Variants in DLGAP3 observed in about 807,000 individuals in gnomAD.
The protein encoded by DLGAP3 is DLG associated protein 3.
DLGAP3 carries 17 observed loss-of-function variants against 81.2 expected under a neutral mutation model. The ratio of observed to expected loss-of-function variants is 0.21; its 90% CI spans 0.14 to 0.31. The LOEUF (loss-of-function observed/expected upper bound fraction) is 0.31, where lower values mean the gene tolerates loss of function less well. DLGAP3 is among the 10% of genes least tolerant of loss of function. The pLI is 1.00. For missense variants in DLGAP3, 1,124 were observed against 1,388.0 expected (o/e 0.81, Z 3.02); for synonymous variants, 577 against 587.4 (o/e 0.98, Z 0.26).
Position 34,868,563 on chromosome 1 carries a change from C to T in DLGAP3, c.2485+42G>A. 1 of 1,557,322 alleles carries T rather than the reference C, an allele frequency of 6.4e-7. No individual in the cohort carries two copies. On this transcript the variant is annotated intron_variant, in intron 9 of 11. Coordinates refer to ENST00000373347, the MANE Select transcript of DLGAP3 (RefSeq NM_001080418.3). The surrounding 1 kb of genome is among the most constrained non-coding windows in gnomAD (Gnocchi z 7.5). ...CAGGGTCTCCTGAGCACACACGAGG[C>T]CATGGTCCCCAGAGTCCCCTTGTTC...
chr1:34,908,695 T>C (rs1164078950), intron 1 of DLGAP3, among the ~76,000 whole-genome samples: 2 of 152,112 alleles, frequency 1.3e-5, no homozygotes, highest in African/African-American at 4.8e-5. Context: ...CCCTGAAGGA[T>C]GTGAGACAAT....
intron 1 of DLGAP3, among the ~76,000 whole-genome samples, chr1:34,917,206 C>T (rs1403991345): frequency 6.6e-6 from 1 of 152,184 alleles, no homozygotes; most frequent in African/African-American, 2.4e-5. Flanking sequence ...CACAGCCACG[C>T]AGTCATCCAT....
chr1:34,885,860 C>T (rs1164425602), intron 6 of DLGAP3, 69 bp from the exon 7 acceptor site: 1 of 1,292,496 alleles, frequency 7.7e-7, no homozygotes, highest in Non-Finnish European at 1.0e-6. Context: ...GGGCCCGCGC[C>T]CGACTCCCAC....
In DLGAP3 at chr1:34,895,621, A is replaced by C. The variant is rs1639369713; in HGVS notation, c.1386+4048T>G. Among the ~76,000 whole-genome samples the C allele has an allele frequency of 6.6e-6, 1 of 152,116 alleles. No individual in the cohort carries two copies. The highest frequency in any genetic ancestry group is 1.5e-5 in the Non-Finnish European group (1 of 68,030). On this transcript the variant is annotated intron_variant, in intron 5 of 11. Coordinates refer to ENST00000373347, the MANE Select transcript of DLGAP3 (RefSeq NM_001080418.3). The surrounding 1 kb of genome is among the most constrained non-coding windows in gnomAD (Gnocchi z 4.5). The stretch of plus-strand genomic sequence containing the variant: ...TATGCAAAGGAAACACAAAACACAA[A>C]GCAGTCTTTAAAAGGAGTAACAAAA...
rs1638876824 is a variant in DLGAP3 at position 34,866,300 on chromosome 1, T to A, written c.2723A>T (p.Glu908Val). ...TATCGGCGGAGGGACCTTCTTCTCCTCCTGCGGGGCAGAGGGCGTCGCTGA... is the reference window on the plus strand; with the variant it reads ...TATCGGCGGAGGGACCTTCTTCTCCACCTGCGGGGCAGAGGGCGTCGCTGA... Reference protein sequence around the residue: ...ANSWKLLEPKEEKKVPPPIPK... With the variant: ...ANSWKLLEPKVEKKVPPPIPK... Residue 908 changes from glutamate to valine, a missense_variant and splice_region_variant, in exon 12 of 12, where the codon GAG (glutamate) becomes GTG (valine). Coordinates refer to ENST00000373347, the MANE Select transcript of DLGAP3 (RefSeq NM_001080418.3). The A allele has an allele frequency of 5.3e-6, 8 of 1,520,248 alleles. No homozygotes were observed. Among genetic ancestry groups the A allele is most frequent in the African/African-American group, 1.4e-5 (1 of 72,170 alleles). 94.2% of individuals were successfully genotyped at this position (1,520,248 alleles called of 1,614,324 possible). A position where few individuals can be genotyped will look rare whatever the true frequency, so the allele number is the denominator to read the frequency against.
At chr1:34,926,251 T>C (rs1639869811) in intron 1 of DLGAP3, among the ~76,000 whole-genome samples, 1 of 152,158 alleles carries the variant, frequency 6.6e-6, no homozygotes, top group Non-Finnish European at 1.5e-5. Flanking sequence ...ATCAAAGCCT[T>C]ACTTTTTCTG....
At chr1:34,919,831 C>A (rs1425828174) in intron 1 of DLGAP3, among the ~76,000 whole-genome samples, 1 of 152,032 alleles carries the variant, frequency 6.6e-6, no homozygotes, top group East Asian at 1.9e-4. Flanking sequence ...AGAAATTACT[C>A]CCCTACTGCC....
intron 5 of DLGAP3, among the ~76,000 whole-genome samples, chr1:34,896,151 T>C (rs1639377654): frequency 6.6e-6 from 1 of 152,074 alleles, no homozygotes; most frequent in Non-Finnish European, 1.5e-5. Flanking sequence ...AACAACAACA[T>C]AAAAAATATA....
Position 34,873,813 on chromosome 1 carries a change from C to CTGGT in DLGAP3, c.2001-4728_2001-4725dup, listed in dbSNP as rs149504598. ...TCACTAAATAGGGCAGTTCATCACA[C>CTGGT]TGGTTGGTTGGTTGGTTGGTTGGTT... is the stretch of plus-strand genomic sequence containing the variant. On this transcript the variant is annotated intron_variant, in intron 8 of 11. Transcript: ENST00000373347. This position sits in a 1 kb window ranked among gnomAD's most constrained non-coding sequence, Gnocchi z 4.2. Among the ~76,000 whole-genome samples the CTGGT allele has an allele frequency of 0.16, 23,910 of 151,038 alleles. 2,363 individuals are homozygous for CTGGT. The highest frequency in any genetic ancestry group is 0.27 in the African/African-American group (11,222 of 40,848).
chr1:34,871,672 G>C (rs1638982336), intron 8 of DLGAP3, among the ~76,000 whole-genome samples: 1 of 152,192 alleles, frequency 6.6e-6, no homozygotes, highest in African/African-American at 2.4e-5. Context: ...CTGATGATCT[G>C]CCACACCTGC....
Position 34,865,977 on chromosome 1 carries a change from TG to T in DLGAP3, c.*105del. On this transcript the variant is annotated 3_prime_UTR_variant, in exon 12 of 12. Coordinates refer to ENST00000373347, the MANE Select transcript of DLGAP3 (RefSeq NM_001080418.3). ...CGGGGGCCGGGGCGTCCGGTGCCGG[TG>T]GGGCGGGCGCACGGGGCGGCCCGCG... 1.0e-6 allele frequency: 1 copy of T among 992,386 alleles called. No homozygotes were observed. The highest frequency in any genetic ancestry group is 1.5e-6 in the Non-Finnish European group (1 of 671,316). The allele number at this position is 992,386 out of a possible 1,614,324, so 61.5% of individuals were successfully genotyped here. A position where few individuals can be genotyped will look rare whatever the true frequency, so the allele number is the denominator to read the frequency against.
Position 34,929,020 on chromosome 1 carries a change from T to G in DLGAP3, c.-135+431A>C, listed in dbSNP as rs889239551. Among the ~76,000 whole-genome samples, 2 of 151,308 alleles carry G rather than the reference T, an allele frequency of 1.3e-5. No homozygotes were observed. The highest frequency in any genetic ancestry group is 1.3e-4 in the Admixed American group (2 of 15,214). On this transcript the variant is annotated intron_variant, in intron 1 of 11. Coordinates refer to ENST00000373347, the MANE Select transcript of DLGAP3 (RefSeq NM_001080418.3). The surrounding 1 kb of genome is among the most constrained non-coding windows in gnomAD (Gnocchi z 6.5). ...CACAATCGCCCACAGACCCACACAGTGACACACTCGGCACAGACACACAGC... is the reference window on the plus strand; with the variant it reads ...CACAATCGCCCACAGACCCACACAGGGACACACTCGGCACAGACACACAGC...
Position 34,905,457 on chromosome 1 carries a change from T to C in DLGAP3, c.-51-23A>G, listed in dbSNP as rs571304719. On this transcript the variant is annotated intron_variant, in intron 2 of 11. Transcript: ENST00000373347. ...CTCCTGGAAAAATAGGGAGAAAAGG[T>C]ATTTGAATTGAACAGCCCTCTTCAC... The C allele has an allele frequency of 2.0e-6, 3 of 1,472,894 alleles. No individual in the cohort carries two copies. In the African/African-American group the frequency reaches 4.3e-5, roughly 21 times the overall value. 91.2% of individuals were successfully genotyped at this position (1,472,894 alleles called of 1,614,324 possible). A position where few individuals can be genotyped will look rare whatever the true frequency, so the allele number is the denominator to read the frequency against.
rs1411773914 is a variant in DLGAP3, at chr1:34,887,674, C to T, written c.1387-1389G>A. 5.3e-5 allele frequency among the ~76,000 whole-genome samples: 8 copies of T among 152,320 alleles called. No individual in the cohort carries two copies. In the East Asian group the frequency reaches 1.5e-3, roughly 29 times the overall value. ...ACCCTGAGCTTCCAAGCAGGCAAAG[C>T]ATCAGGGAGTATAGCCTCAGAGTTG... On this transcript the variant is annotated intron_variant, in intron 5 of 11. Transcript: ENST00000373347.
At chr1:34,906,745 G>A (rs1055571382) in intron 2 of DLGAP3, among the ~76,000 whole-genome samples, 1 of 152,160 alleles carries the variant, frequency 6.6e-6, no homozygotes, top group African/African-American at 2.4e-5. Context: ...AGGAACAGAG[G>A]GAAGGCAAGG....
At chr1:34,920,344 A>G (rs1372919653) in intron 1 of DLGAP3, among the ~76,000 whole-genome samples, 2 of 152,092 alleles carry the variant, frequency 1.3e-5, no homozygotes, top group African/African-American at 2.4e-5. Context: ...ATGAACATAC[A>G]TGGGATATTG....
intron 1 of DLGAP3, among the ~76,000 whole-genome samples, chr1:34,914,787 T>A (rs1639691550): frequency 1.3e-5 from 2 of 152,166 alleles, no homozygotes; most frequent in Admixed American, 6.5e-5. Flanking sequence ...CTAGACAGCT[T>A]TGGGCAAAGG....
chr1:34,923,493 G>A (rs951026715), intron 1 of DLGAP3, among the ~76,000 whole-genome samples: 1 of 152,180 alleles, frequency 6.6e-6, no homozygotes, highest in Non-Finnish European at 1.5e-5. Flanking sequence ...GCAGCTGCTG[G>A]AACAGTGGAT....
chr1:34,908,520 G>A (rs997114336), intron 1 of DLGAP3, among the ~76,000 whole-genome samples: 1 of 152,178 alleles, frequency 6.6e-6, no homozygotes, highest in Middle Eastern at 3.2e-3. Context: ...GAATAGGAGA[G>A]AGAAAATCAG....
Sources: gnomAD v4.1 joint callset for allele counts (sites outside exome capture counted in the v4.1 genomes callset) on GRCh38, gnomAD v4.1.1 for gene constraint, Gnocchi (gnomAD v3.1) non-coding constraint, MANE v1.5 for transcripts, NCBI Gene and HGNC (gene_info 2026-07-23, HGNC 2026-07-21) for gene names.